The following SHROOM3 variants were observed in gnomAD, a reference collection of about 807,000 sequenced individuals.
SHROOM3 encodes the protein protein Shroom3.
SHROOM3 carries 47 observed loss-of-function variants against 138.6 expected under a neutral mutation model. The observed-to-expected ratio is 0.34, with a 90% CI of 0.27 to 0.43. SHROOM3 has a LOEUF of 0.43. Ranked by LOEUF, SHROOM3 falls within the 20% of genes least tolerant of loss-of-function variation. The pLI is 1.00. For missense variants in SHROOM3, 2,491 were observed against 2,596.5 expected, an observed-to-expected ratio of 0.96 and a Z score of 0.88; for synonymous variants, 1,062 against 1,063.3, an observed-to-expected ratio of 1.00 and a Z score of 0.02.
chr4:76,770,663 C>A lies in SHROOM3; in HGVS notation c.5387C>A (p.Thr1796Asn). 1.2e-6 allele frequency: 2 copies of A among 1,614,114 alleles called. No individual in the cohort carries two copies. The highest frequency in any genetic ancestry group is 1.7e-6 in the Non-Finnish European group (2 of 1,180,022). Residue 1796 changes from threonine to asparagine, a missense_variant, in exon 10 of 11, where the codon ACC becomes AAC. Physicochemically the swap from Thr to Asn is moderately conservative, Grantham distance 65. Around this residue, in one of 4 missense-constraint regions of SHROOM3, gnomAD observed 470 missense variants for 595.0 expected, o/e 0.79. Transcript: ENST00000296043. ...GGAAGTCTCACCCACAAGCTGGAGA[C>A]CCTCCAGGAGGCGAAGGGGAGCCTG... ...LIGSLTHKLE[T>N]LQEAKGSLLT...
intron 1 of SHROOM3, among the ~76,000 whole-genome samples, chr4:76,471,829 T>C (rs1421001288): frequency 1.3e-5 from 2 of 152,150 alleles, no homozygotes. Flanking sequence ...TTTTTCTCAT[T>C]AGATGTAAGA....
intron 1 of SHROOM3, among the ~76,000 whole-genome samples, chr4:76,441,114 G>A (rs1215420540): frequency 2.2e-5 from 1 of 44,884 alleles, no homozygotes; most frequent in Non-Finnish European, 5.5e-5. Context: ...TTTTGAGACA[G>A]AGTCTCACTC....
intron 1 of SHROOM3, among the ~76,000 whole-genome samples, chr4:76,466,108 A>G (rs1166240973): frequency 6.6e-6 from 1 of 152,214 alleles, no homozygotes; most frequent in Non-Finnish European, 1.5e-5. Context: ...TAATGTGTCA[A>G]AAATGAAAAA....
intron 9 of SHROOM3, among the ~76,000 whole-genome samples, chr4:76,770,158 A>G (rs1320850494): frequency 6.6e-6 from 1 of 151,832 alleles, no homozygotes; most frequent in Non-Finnish European, 1.5e-5. Context: ...CCCCATCTCT[A>G]CTAAAAATAC....
rs562576394 is a variant in SHROOM3, at chr4:76,452,257, A to G, written c.168+16037A>G. ...AAAATTAACCATTTTAGCCATTTTTAAGTATACAGTTCAGTGGCATCAAGT... is the reference window on the plus strand; with the variant it reads ...AAAATTAACCATTTTAGCCATTTTTGAGTATACAGTTCAGTGGCATCAAGT... On this transcript the variant is annotated intron_variant, in intron 1 of 10. Transcript: ENST00000296043. Among the ~76,000 whole-genome samples the G allele has an allele frequency of 3.3e-5, 5 of 152,370 alleles. No individual in the cohort carries two copies. The East Asian group carries it at 9.7e-4, about 29-fold the overall frequency.
At chr4:76,555,976 C>T (rs1278103901) in intron 2 of SHROOM3, among the ~76,000 whole-genome samples, 1 of 152,152 alleles carries the variant, frequency 6.6e-6, no homozygotes. Context: ...TCTTTCAGAA[C>T]ACTCATTTCC....
intron 2 of SHROOM3, among the ~76,000 whole-genome samples, chr4:76,583,971 G>C (rs901893774): frequency 6.6e-6 from 1 of 152,144 alleles, no homozygotes; most frequent in Non-Finnish European, 1.5e-5. Context: ...TTTGTGAAAG[G>C]ACAGGTTATT....
chr4:76,629,269 C>T (rs1444368697), intron 2 of SHROOM3, among the ~76,000 whole-genome samples: 3 of 152,142 alleles, frequency 2.0e-5, no homozygotes, highest in Non-Finnish European at 4.4e-5. Context: ...GACTCTAAGG[C>T]CAAGACCATG....
In SHROOM3 at chr4:76,469,670, T is replaced by TGG. The variant is rs535432001; in HGVS notation, c.168+33451_168+33452dup. 7.1e-3 allele frequency among the ~76,000 whole-genome samples: 1,083 copies of TGG among 152,332 alleles called. 9 individuals are homozygous for TGG. Among genetic ancestry groups the TGG allele is most frequent in the Non-Finnish European group, 9.1e-3 (622 of 68,028 alleles). On this transcript the variant is annotated intron_variant, in intron 1 of 10. Coordinates refer to ENST00000296043, the MANE Select transcript of SHROOM3 (RefSeq NM_020859.4). ...CCGGGTTTCACCGGGTTGCCCAGGC[T>TGG]GGTCACAAACTCCTGAGCTCAGGCA...
At chr4:76,734,256 A>C (rs887801006) in intron 4 of SHROOM3, among the ~76,000 whole-genome samples, 4 of 142,548 alleles carry the variant, frequency 2.8e-5, no homozygotes, top group African/African-American at 1.1e-4. Context: ...AGTTTCTGAG[A>C]TCAAGTAAGT....
intron 2 of SHROOM3, among the ~76,000 whole-genome samples, chr4:76,681,696 G>C (rs1719206554): frequency 6.7e-6 from 1 of 149,142 alleles, no homozygotes; most frequent in South Asian, 2.2e-4. Flanking sequence ...CTAGTGTCTG[G>C]TTGGTGTCTG....
chr4:76,526,780 G>A (rs1732699081), intron 1 of SHROOM3, among the ~76,000 whole-genome samples: 1 of 152,098 alleles, frequency 6.6e-6, no homozygotes, highest in African/African-American at 2.4e-5. Context: ...TGGTATGCAA[G>A]AGAGAGAGCC....
chr4:76,445,012 G>A (rs1050491194), intron 1 of SHROOM3, among the ~76,000 whole-genome samples: 12 of 151,668 alleles, frequency 7.9e-5, no homozygotes, highest in African/African-American at 2.7e-4. Context: ...TGGGAGGATC[G>A]CTTGAGCCCA....
At chr4:76,719,235 A>C (rs1720467403) in intron 3 of SHROOM3, among the ~76,000 whole-genome samples, 1 of 152,244 alleles carries the variant, frequency 6.6e-6, no homozygotes, top group Admixed American at 6.5e-5. Context: ...TCTGTGGAAA[A>C]TAACACACCA....
chr4:76,593,577 G>T (rs550702923), intron 2 of SHROOM3, among the ~76,000 whole-genome samples: 1 of 152,274 alleles, frequency 6.6e-6, no homozygotes, highest in African/African-American at 2.4e-5. Flanking sequence ...ATTTTTAGTT[G>T]TAAATCAGTA....
intron 2 of SHROOM3, among the ~76,000 whole-genome samples, chr4:76,701,252 G>C (rs1043741941): frequency 1.3e-5 from 2 of 152,136 alleles, no homozygotes; most frequent in South Asian, 4.2e-4. Flanking sequence ...CTGAATTTCA[G>C]TCAGTCTACT....
intron 1 of SHROOM3, among the ~76,000 whole-genome samples, chr4:76,486,512 C>A (rs1731734745): frequency 6.6e-6 from 1 of 152,142 alleles, no homozygotes; most frequent in Non-Finnish European, 1.5e-5. Flanking sequence ...ATATCCCAAT[C>A]CACTGGCACA....
At chr4:76,538,853 T>C (rs1733038689) in intron 1 of SHROOM3, among the ~76,000 whole-genome samples, 1 of 152,116 alleles carries the variant, frequency 6.6e-6, no homozygotes. Context: ...TTTCAATGAG[T>C]TCCCCAAGGA....
Position 76,778,835 on chromosome 4 carries a change from C to A in SHROOM3, c.5649C>A (p.Ile1883=). 1.9e-6 allele frequency: 3 copies of A among 1,612,482 alleles called. No individual in the cohort carries two copies. Among genetic ancestry groups the A allele is most frequent in the Non-Finnish European group, 2.5e-6 (3 of 1,180,026 alleles). The stretch of plus-strand genomic sequence containing the variant: ...GCTCTCTTTACGAGAAAAGGAAGAT[C>A]CTGGCTGGTCAGCATGAGGATGCCC... ...ERSSLYEKRK[I]LAGQHEDARE... The change falls in exon 11 of 11, where the codon ATC becomes ATA. Residue 1883 remains isoleucine, a synonymous_variant. Coordinates refer to ENST00000296043, the MANE Select transcript of SHROOM3 (RefSeq NM_020859.4).
Sources: allele counts gnomAD v4.1 joint callset (sites outside exome capture counted in the v4.1 genomes callset), GRCh38; gene constraint gnomAD v4.1.1; regional missense constraint gnomAD v4.1.1; transcripts MANE v1.5; gene names NCBI Gene and HGNC (gene_info 2026-07-23, HGNC 2026-07-21).